The following DLGAP4 variants were observed in gnomAD, a reference collection of about 807,000 sequenced individuals.
DLGAP4 encodes DLG associated protein 4, also known as disks large-associated protein 4.
In DLGAP4, 18 loss-of-function variants were observed where a neutral mutation model predicts 86.9. The observed-to-expected ratio is 0.21, with a 90% CI of 0.14 to 0.31. DLGAP4 has a LOEUF of 0.31. Among genes scored for constraint, DLGAP4 ranks in the 10% least tolerant of loss-of-function variants. The pLI is 1.00. For missense variants in DLGAP4, 1,085 were observed against 1,362.6 expected (o/e 0.80, Z 3.21); for synonymous variants, 548 against 574.3 (o/e 0.95, Z 0.65).
intron 8 of DLGAP4, chr20:36,499,188 G>T: frequency 6.5e-7 from 1 of 1,530,236 alleles, no homozygotes; most frequent in Non-Finnish European, 9.0e-7. Context: ...GTGTGTGTGT[G>T]TTTTCTTTCT....
chr20:36,498,141 A>C (rs1423044426), intron 8 of DLGAP4: 3 of 152,254 alleles, frequency 2.0e-5, no homozygotes, highest in African/African-American at 7.2e-5. Context: ...CGTGGGACAC[A>C]AAGTGGAGCT....
intron 2 of DLGAP4, among the ~76,000 whole-genome samples, chr20:36,396,438 C>CTG (rs2031977688): frequency 3.2e-5 from 2 of 62,006 alleles, no homozygotes; most frequent in African/African-American, 4.8e-5. Flanking sequence ...ATACACACAC[C>CTG]CACACACACA....
intron 4 of DLGAP4, among the ~76,000 whole-genome samples, chr20:36,438,380 ATAT>A (rs1309537579): frequency 4.8e-5 from 7 of 146,042 alleles, no homozygotes; most frequent in South Asian, 2.1e-4. Context: ...TCAAAAAAAA[ATAT>A]ATATATATAT....
rs911516923 is a variant in DLGAP4 at position 36,500,720 on chromosome 20, C to G, written c.2512+109C>G. ...TCTGAGTGGGGGTCTCTTAGGTTCT[C>G]TTCTTGGGCTAGTTTTTGAGCTCCC... On this transcript the variant is annotated intron_variant, in intron 10 of 12. Transcript: ENST00000339266. This position sits in a 1 kb window ranked among gnomAD's most constrained non-coding sequence, Gnocchi z 4.6. 9.2e-7 allele frequency: 1 copy of G among 1,082,590 alleles called. No homozygotes were observed. The highest frequency in any genetic ancestry group is 1.6e-5 in the African/African-American group (1 of 61,494). 67.1% of individuals were successfully genotyped at this position (1,082,590 alleles called of 1,614,324 possible).
At chr20:36,398,940 C>T (rs952433175) in intron 2 of DLGAP4, among the ~76,000 whole-genome samples, 5 of 152,178 alleles carry the variant, frequency 3.3e-5, no homozygotes, top group African/African-American at 1.2e-4. Flanking sequence ...CACCTGTAAT[C>T]CCAGCACTTT....
intron 2 of DLGAP4, among the ~76,000 whole-genome samples, chr20:36,389,109 A>G (rs2031702167): frequency 6.6e-6 from 1 of 152,206 alleles, no homozygotes; most frequent in Non-Finnish European, 1.5e-5. Context: ...TTTAGACATG[A>G]CAAGTTGGCG....
intron 10 of DLGAP4, among the ~76,000 whole-genome samples, chr20:36,511,773 G>T (rs2036708898): frequency 1.3e-5 from 2 of 151,160 alleles, no homozygotes; most frequent in Non-Finnish European, 2.9e-5. Flanking sequence ...TACTTCTGAG[G>T]CTGAGGCAGG....
intron 8 of DLGAP4, chr20:36,497,294 C>T (rs1295233141): frequency 1.5e-5 from 15 of 985,340 alleles, no homozygotes; most frequent in Non-Finnish European, 1.8e-5. Flanking sequence ...GTTTCTGCTC[C>T]TCCAGTGGGT....
chr20:36,321,910 G>A (rs2065172559), intron 1 of DLGAP4, among the ~76,000 whole-genome samples: 1 of 152,186 alleles, frequency 6.6e-6, no homozygotes, highest in Non-Finnish European at 1.5e-5. Context: ...AAGTCTGTCT[G>A]CTGTGGCAGA....
intron 2 of DLGAP4, among the ~76,000 whole-genome samples, chr20:36,406,223 C>G (rs2032314985): frequency 6.6e-6 from 1 of 152,060 alleles, no homozygotes; most frequent in South Asian, 2.1e-4. Context: ...ACGGTGAAAC[C>G]CTGTCTCTAC....
intron 2 of DLGAP4, among the ~76,000 whole-genome samples, chr20:36,390,014 TG>T (rs2031733253): frequency 6.6e-6 from 1 of 152,114 alleles, no homozygotes; most frequent in African/African-American, 2.4e-5. Context: ...GGCCTTCTAA[TG>T]GGGGAAACAG....
intron 1 of DLGAP4, among the ~76,000 whole-genome samples, chr20:36,355,214 G>A (rs1366445594): frequency 6.6e-6 from 1 of 151,926 alleles, no homozygotes; most frequent in African/African-American, 2.4e-5. Context: ...AGTAAATGGA[G>A]ACATATAACA....
chr20:36,419,959 T>C lies in DLGAP4; in HGVS notation c.-72-11687T>C, dbSNP rs147801642. ...GGTGTATCTTGGAGGCTGGCTGCCA[T>C]GGTGGATGCAATATTCCCAGCAGGA... On this transcript the variant is annotated intron_variant, in intron 2 of 12. Transcript: ENST00000339266. Among the ~76,000 whole-genome samples the C allele has an allele frequency of 5.9e-5, 9 of 152,278 alleles. No homozygotes were observed. In the East Asian group the frequency reaches 1.7e-3, roughly 29 times the overall value.
chr20:36,427,260 T>C (rs113107667), intron 2 of DLGAP4, among the ~76,000 whole-genome samples: 3,612 of 151,908 alleles, frequency 0.024, 122 homozygotes, highest in African/African-American at 0.081. Context: ...AGGCGGATCA[T>C]GAAGTCAGGA....
intron 6 of DLGAP4, 55 bp from the exon 7 acceptor site, chr20:36,446,642 C>A (rs1437358516): frequency 2.0e-6 from 3 of 1,526,802 alleles, no homozygotes; most frequent in East Asian, 4.6e-5. Context: ...AAGAACCGCT[C>A]CCCCCAGGAT....
chr20:36,442,134 G>T (rs2033463814), intron 5 of DLGAP4, among the ~76,000 whole-genome samples: 1 of 152,252 alleles, frequency 6.6e-6, no homozygotes, highest in Non-Finnish European at 1.5e-5. Flanking sequence ...CTGCCTGCCA[G>T]ATGAGAGGCA....
At position 36,432,852 on chromosome 20, in the gene DLGAP4, C is replaced by A; in HGVS notation, c.999+136C>A. ...TGTGGCTCAGCTATAAAATGGGTGG[C>A]CTAGTGGTACCTGCTAATCAGGGAG... On this transcript the variant is annotated intron_variant, in intron 3 of 12. Transcript: ENST00000339266. The surrounding 1 kb of genome is among the most constrained non-coding windows in gnomAD (Gnocchi z 6.5). 1 of 1,093,334 alleles carries A rather than the reference C, an allele frequency of 9.1e-7. No individual in the cohort carries two copies. Among genetic ancestry groups the A allele is most frequent in the Non-Finnish European group, 1.3e-6 (1 of 762,956 alleles). 67.7% of individuals were successfully genotyped at this position (1,093,334 alleles called of 1,614,324 possible).
chr20:36,432,236 C>A lies in DLGAP4; in HGVS notation c.519C>A (p.Gly173=). The A allele has an allele frequency of 6.2e-7, 1 of 1,613,864 alleles. No homozygotes were observed. The highest frequency in any genetic ancestry group is 8.5e-7 in the Non-Finnish European group (1 of 1,179,946). ...GTGGCAATGGCAGCAAGAAGGGTGG[C>A]ATGGAGGACGGCAAGGGCCGGAGGG... The part of the protein sequence containing the change: ...KVGGNGSKKG[G]MEDGKGRRAK... The change falls in exon 3 of 13, where the codon GGC becomes GGA. Residue 173 remains glycine (G), a synonymous_variant. Coordinates refer to ENST00000339266, the MANE Select transcript of DLGAP4 (RefSeq NM_001365621.2). The surrounding 1 kb of genome is among the most constrained non-coding windows in gnomAD (Gnocchi z 6.5).
At chr20:36,396,667 A>G (rs553189174) in intron 2 of DLGAP4, among the ~76,000 whole-genome samples, 5 of 151,614 alleles carry the variant, frequency 3.3e-5, no homozygotes, top group East Asian at 1.9e-4. Context: ...CCACACACAT[A>G]CCACATACAC....
Sources: gnomAD v4.1 joint callset for allele counts (sites outside exome capture counted in the v4.1 genomes callset) on GRCh38, gnomAD v4.1.1 for gene constraint, Gnocchi (gnomAD v3.1) non-coding constraint, MANE v1.5 for transcripts, NCBI Gene and HGNC (gene_info 2026-07-23, HGNC 2026-07-21) for gene names.